The following KCNQ5 variants were observed in gnomAD, a reference collection of about 807,000 sequenced individuals.
KCNQ5 encodes the protein potassium voltage-gated channel subfamily Q member 5.
In KCNQ5, 30 loss-of-function variants were observed where a neutral mutation model predicts 98.2. That is an observed-to-expected ratio of 0.31 (90% CI 0.23 to 0.41). The LOEUF (loss-of-function observed/expected upper bound fraction) is 0.41. Among genes scored for constraint, KCNQ5 ranks in the 10% least tolerant of loss-of-function variants. The probability of loss-of-function intolerance (pLI) is 1.00; values close to 1 mark genes in which losing one functional copy is unlikely to be tolerated. For missense variants in KCNQ5, 835 were observed against 1,182.5 expected (o/e 0.71, Z 4.31); for synonymous variants, 458 against 449.4 (o/e 1.02, Z -0.24).
chr6:72,921,955 A>T (rs934677467), intron 1 of KCNQ5, among the ~76,000 whole-genome samples: 16 of 152,318 alleles, frequency 1.1e-4, no homozygotes, highest in African/African-American at 3.4e-4. Flanking sequence ...TCAACTTGAA[A>T]TTCTTGATAC....
intron 1 of KCNQ5, among the ~76,000 whole-genome samples, chr6:72,941,341 C>CTTTCTTCCTTCCTTCT (rs1455229430): frequency 2.4e-5 from 1 of 42,384 alleles, no homozygotes; most frequent in South Asian, 1.6e-3. Flanking sequence ...TCCTTCCTTC[C>CTTTCTTCCTTCCTTCT]TTTCTTCCTT....
At chr6:72,980,737 T>A (rs1201119959) in intron 1 of KCNQ5, among the ~76,000 whole-genome samples, 2 of 152,232 alleles carry the variant, frequency 1.3e-5, no homozygotes, top group Non-Finnish European at 2.9e-5. Context: ...AGAGAGGGCA[T>A]CCCTGTCTTG....
intron 1 of KCNQ5, among the ~76,000 whole-genome samples, chr6:72,792,985 C>T (rs1041487483): frequency 6.6e-6 from 1 of 152,286 alleles, no homozygotes; most frequent in African/African-American, 2.4e-5. Flanking sequence ...GAATTACCCA[C>T]CTCCTGGGAG....
At chr6:72,834,353 C>T (rs902958085) in intron 1 of KCNQ5, among the ~76,000 whole-genome samples, 2 of 152,100 alleles carry the variant, frequency 1.3e-5, no homozygotes, top group Non-Finnish European at 2.9e-5. Flanking sequence ...AATTCTCATT[C>T]CCATTCCAGT....
intron 2 of KCNQ5, among the ~76,000 whole-genome samples, chr6:73,014,156 T>C (rs1770207905): frequency 6.6e-6 from 1 of 152,114 alleles, no homozygotes; most frequent in Non-Finnish European, 1.5e-5. Context: ...GTTTTAGCAT[T>C]GTATTTCCCA....
At chr6:73,077,543 T>G (rs746808690) in intron 4 of KCNQ5, 46 bp downstream of exon 4, 7 of 1,548,976 alleles carry the variant, frequency 4.5e-6, no homozygotes, top group Non-Finnish European at 6.1e-6. Flanking sequence ...TTGAAACTTT[T>G]TCATTGATCG....
At chr6:72,774,305 GC>G (rs1773057438) in intron 1 of KCNQ5, among the ~76,000 whole-genome samples, 1 of 152,058 alleles carries the variant, frequency 6.6e-6, no homozygotes, top group Non-Finnish European at 1.5e-5. Flanking sequence ...AAGCAGATTA[GC>G]CTGTCTGAAC....
intron 11 of KCNQ5, among the ~76,000 whole-genome samples, chr6:73,179,524 C>T (rs1196709512): frequency 6.6e-6 from 1 of 152,158 alleles, no homozygotes; most frequent in Non-Finnish European, 1.5e-5. Context: ...AAAATTTCAA[C>T]ATGAATTTCG....
At chr6:73,057,027 A>G (rs1040829626) in intron 3 of KCNQ5, among the ~76,000 whole-genome samples, 8 of 152,220 alleles carry the variant, frequency 5.3e-5, no homozygotes, top group African/African-American at 1.9e-4. Flanking sequence ...ACACATGCAC[A>G]TGTATGTTTA....
chr6:73,083,478 T>TA lies in KCNQ5; in HGVS notation c.918+5600dup, dbSNP rs545267462. Among the ~76,000 whole-genome samples the TA allele has an allele frequency of 3.1e-3, 463 of 150,780 alleles. 4 individuals carry two copies. The highest frequency in any genetic ancestry group is 3.6e-3 in the Non-Finnish European group (244 of 67,620). On this transcript the variant is annotated intron_variant, in intron 5 of 13. Transcript: ENST00000370398. ...CACAAAAGTTGAGTTTATGCACCACTAAAAAAAAAGTTAATTTTAAAAAAC... is the reference window on the plus strand; with the variant it reads ...CACAAAAGTTGAGTTTATGCACCACTAAAAAAAAAAGTTAATTTTAAAAAAC...
chr6:72,702,740 T>A (rs1768880273), intron 1 of KCNQ5, among the ~76,000 whole-genome samples: 1 of 152,196 alleles, frequency 6.6e-6, no homozygotes, highest in Admixed American at 6.5e-5. Context: ...TAGACTTCAT[T>A]GCAATTGATT....
At chr6:73,145,379 C>T (rs1209575798) in intron 10 of KCNQ5, among the ~76,000 whole-genome samples, 1 of 152,164 alleles carries the variant, frequency 6.6e-6, no homozygotes, top group Admixed American at 6.5e-5. Context: ...TATGTTCTAC[C>T]ATGCATGCTG....
At chr6:72,701,691 C>T (rs765336467) in intron 1 of KCNQ5, among the ~76,000 whole-genome samples, 3 of 151,940 alleles carry the variant, frequency 2.0e-5, no homozygotes, top group Non-Finnish European at 4.4e-5. Flanking sequence ...ATTCTCCCAC[C>T]TCCACCAAGC....
At chr6:72,783,431 T>A (rs2154477950) in intron 1 of KCNQ5, among the ~76,000 whole-genome samples, 1 of 152,260 alleles carries the variant, frequency 6.6e-6, no homozygotes. Flanking sequence ...AAAAAAATAG[T>A]GTAGACTTTG....
At chr6:73,049,193 C>T (rs1053968708) in intron 3 of KCNQ5, among the ~76,000 whole-genome samples, 5 of 152,118 alleles carry the variant, frequency 3.3e-5, no homozygotes, top group African/African-American at 1.2e-4. Flanking sequence ...CAGAGCAACT[C>T]AGTGCATAGT....
At chr6:72,783,406 C>T (rs980411573) in intron 1 of KCNQ5, among the ~76,000 whole-genome samples, 1 of 152,106 alleles carries the variant, frequency 6.6e-6, no homozygotes, top group Non-Finnish European at 1.5e-5. Flanking sequence ...ATGTGCAATA[C>T]AGTAACATGC....
chr6:73,116,376 C>T (rs1203753913), intron 7 of KCNQ5, among the ~76,000 whole-genome samples: 1 of 152,080 alleles, frequency 6.6e-6, no homozygotes, highest in East Asian at 1.9e-4. Context: ...TAAAAATAAG[C>T]ATTCTTGGCT....
At chr6:72,972,970 G>T (rs943209186) in intron 1 of KCNQ5, among the ~76,000 whole-genome samples, 2 of 152,202 alleles carry the variant, frequency 1.3e-5, no homozygotes, top group Non-Finnish European at 2.9e-5. Flanking sequence ...AACCTAGGAA[G>T]TAGTGAAACT....
intron 1 of KCNQ5, among the ~76,000 whole-genome samples, chr6:72,962,222 C>T (rs546650000): frequency 7.0e-4 from 97 of 138,478 alleles, no homozygotes; most frequent in Middle Eastern, 3.8e-3. Flanking sequence ...TATATACACA[C>T]ATATATATAT....
Sources: gnomAD v4.1 joint callset for allele counts (sites outside exome capture counted in the v4.1 genomes callset) on GRCh38, gnomAD v4.1.1 for gene constraint, MANE v1.5 for transcripts, NCBI Gene and HGNC (gene_info 2026-07-23, HGNC 2026-07-21) for gene names.